RAD51B: variants seen among roughly 807,000 people sequenced by gnomAD.
RAD51B encodes the protein DNA repair protein RAD51 homolog 2.
In RAD51B, 38 loss-of-function variants were observed where a neutral mutation model predicts 42.2. That is an observed-to-expected ratio of 0.90 (90% confidence interval 0.70 to 1.18). The LOEUF (loss-of-function observed/expected upper bound fraction) is 1.18. RAD51B is among the 50% of genes most tolerant of loss of function. The pLI is 0.00. For synonymous variants in RAD51B, 154 were observed against 145.2 expected, an observed-to-expected ratio of 1.06 and a Z score of -0.43; for missense variants, 373 against 400.7, an observed-to-expected ratio of 0.93 and a Z score of 0.59.
At chr14:68,025,798 T>C (rs2075946569) in intron 7 of RAD51B, among the ~76,000 whole-genome samples, 1 of 152,126 alleles carries the variant, frequency 6.6e-6, no homozygotes, top group South Asian at 2.1e-4. Context: ...GTCTTGTTGA[T>C]TCTTTCAAAG....
chr14:68,436,407 G>A (rs544363919), intron 9 of RAD51B, among the ~76,000 whole-genome samples: 4 of 152,244 alleles, frequency 2.6e-5, no homozygotes, highest in East Asian at 1.9e-4. Context: ...GTAGCATGGC[G>A]TTTGGGTTAC....
At chr14:68,290,422 A>G (rs2081493678) in intron 7 of RAD51B, among the ~76,000 whole-genome samples, 1 of 152,242 alleles carries the variant, frequency 6.6e-6, no homozygotes, top group Non-Finnish European at 1.5e-5. Flanking sequence ...CTAGGCTTCT[A>G]AACAATAAGG....
intron 10 of RAD51B, among the ~76,000 whole-genome samples, chr14:68,584,953 G>T (rs540479545): frequency 6.6e-6 from 1 of 152,258 alleles, no homozygotes; most frequent in Admixed American, 6.5e-5. Flanking sequence ...GCAGAGCTGG[G>T]CGTTACACTC....
intron 8 of RAD51B, among the ~76,000 whole-genome samples, chr14:68,324,218 C>T (rs1595708807): frequency 6.6e-6 from 1 of 152,296 alleles, no homozygotes; most frequent in East Asian, 1.9e-4. Flanking sequence ...CTAAAGTCCA[C>T]TCAGTGTTAG....
intron 10 of RAD51B, among the ~76,000 whole-genome samples, chr14:68,605,774 A>G (rs964817702): frequency 2.0e-5 from 3 of 152,156 alleles, no homozygotes; most frequent in Non-Finnish European, 2.9e-5. Flanking sequence ...ACACTATCCA[A>G]CACAGTACAG....
At chr14:67,908,236 C>G (rs544225567) in intron 7 of RAD51B, 3 of 152,160 alleles carry the variant, frequency 2.0e-5, no homozygotes, top group Non-Finnish European at 4.4e-5. Context: ...GCTCAAGAAG[C>G]TGGATTTGTA....
At chr14:68,473,095 T>G (rs2086166680) in intron 10 of RAD51B, among the ~76,000 whole-genome samples, 1 of 152,208 alleles carries the variant, frequency 6.6e-6, no homozygotes, top group African/African-American at 2.4e-5. Context: ...ATCAGTAACC[T>G]ATCAAAATGT....
intron 4 of RAD51B, among the ~76,000 whole-genome samples, chr14:67,849,323 C>T (rs1218290840): frequency 6.6e-6 from 1 of 151,602 alleles, no homozygotes; most frequent in South Asian, 2.1e-4. Flanking sequence ...CTCTTGTTGC[C>T]CCAGCTGGAG....
At chr14:68,594,445 G>A (rs1890897261) in intron 10 of RAD51B, 6 of 1,356,786 alleles carry the variant, frequency 4.4e-6, no homozygotes, top group Non-Finnish European at 5.9e-6. Flanking sequence ...AAGGCAAAAG[G>A]GCCTAGACTT....
chr14:68,180,750 A>T (rs1178216794), intron 7 of RAD51B, among the ~76,000 whole-genome samples: 1 of 152,232 alleles, frequency 6.6e-6, no homozygotes, highest in Non-Finnish European at 1.5e-5. Flanking sequence ...TGCACTGATT[A>T]GGGTGACTGG....
intron 10 of RAD51B, among the ~76,000 whole-genome samples, chr14:68,534,929 G>T (rs1237772557): frequency 6.6e-6 from 1 of 151,998 alleles, no homozygotes; most frequent in Non-Finnish European, 1.5e-5. Flanking sequence ...ACTAGTAAGT[G>T]CTTTATATAT....
At chr14:67,930,917 C>CTTTTTTTTT (rs548979995) in intron 7 of RAD51B, among the ~76,000 whole-genome samples, 3 of 140,540 alleles carry the variant, frequency 2.1e-5, no homozygotes, top group Non-Finnish European at 3.1e-5. Flanking sequence ...TGGGTTATTT[C>CTTTTTTTTT]TTTTTTTTTT....
intron 7 of RAD51B, among the ~76,000 whole-genome samples, chr14:68,066,316 A>G (rs1296192799): frequency 6.7e-6 from 1 of 149,898 alleles, no homozygotes; most frequent in Non-Finnish European, 1.5e-5. Context: ...GATTTGGTAA[A>G]ATTTAAAAAA....
intron 9 of RAD51B, among the ~76,000 whole-genome samples, chr14:68,444,472 T>G (rs1566888388): frequency 7.1e-6 from 1 of 141,834 alleles, no homozygotes; most frequent in East Asian, 2.1e-4. Context: ...GTGTGTGTGT[T>G]TTGAGGTGAA....
intron 10 of RAD51B, among the ~76,000 whole-genome samples, chr14:68,646,402 G>A (rs59468901): frequency 0.024 from 3,591 of 152,174 alleles, 146 homozygotes; most frequent in African/African-American, 0.082. Flanking sequence ...TGTAAACTAC[G>A]TGTCTGTCCT....
chr14:68,672,434 T>C (rs556051247), intron 11 of RAD51B, among the ~76,000 whole-genome samples: 1 of 152,140 alleles, frequency 6.6e-6, no homozygotes, highest in Non-Finnish European at 1.5e-5. Flanking sequence ...AGAACTCCAA[T>C]GGTAAAGGAG....
intron 10 of RAD51B, chr14:68,562,019 AGCACG>A: frequency 1.0e-6 from 1 of 985,424 alleles, no homozygotes; most frequent in Non-Finnish European, 1.2e-6. Context: ...TCTGCCTCAC[AGCACG>A]TCTCTGAAGC....
At position 67,931,500 on chromosome 14, in the gene RAD51B, CTT is replaced by C. The variant is rs539507230; in HGVS notation, c.756+44314_756+44315del. Among the ~76,000 whole-genome samples the C allele has an allele frequency of 1.1e-3, 125 of 117,550 alleles. 1 individual carries two copies. Among genetic ancestry groups the C allele is most frequent in the African/African-American group, 3.1e-3 (95 of 31,048 alleles). The allele number at this position is 117,550 out of a possible 152,430, so 77.1% of individuals were successfully genotyped here. ...ATTTTGAATTCTTTTTCTGGGATTT[CTT>C]TTTTTTTTTTTTTTTTTGAGACAGA... On this transcript the variant is annotated intron_variant, in intron 7 of 10. Transcript: ENST00000471583.
rs140831063 is a variant in RAD51B, at chr14:68,649,503, C to G, written c.1037-1278C>G. Among the ~76,000 whole-genome samples, 217 of 152,324 alleles carry G rather than the reference C, an allele frequency of 1.4e-3. 1 individual carries two copies. Among genetic ancestry groups the G allele is most frequent in the African/African-American group, 4.8e-3 (199 of 41,562 alleles). ...TGGCCCCACTCCATACCTTGCATGACTTTTCAGCCTAAGTGTCCATTGGCC... is the reference window on the plus strand; with the variant it reads ...TGGCCCCACTCCATACCTTGCATGAGTTTTCAGCCTAAGTGTCCATTGGCC... On this transcript the variant is annotated intron_variant, in intron 10 of 11. Coordinates refer to the RAD51B transcript ENST00000488612.
Sources: gnomAD v4.1 joint callset for allele counts (sites outside exome capture counted in the v4.1 genomes callset) on GRCh38, gnomAD v4.1.1 for gene constraint, MANE v1.5 for transcripts, NCBI Gene and HGNC (gene_info 2026-07-23, HGNC 2026-07-21) for gene names.